Variants in DMBX1 observed in about 807,000 individuals in gnomAD.
The protein encoded by DMBX1 is diencephalon/mesencephalon homeobox protein 1.
A neutral mutation model predicts 30.4 loss-of-function variants in DMBX1; 7 were observed. The ratio of observed to expected loss-of-function variants is 0.23; its 90% CI spans 0.13 to 0.43. The LOEUF (loss-of-function observed/expected upper bound fraction) is 0.43, where lower values mean the gene tolerates loss of function less well. Among genes scored for constraint, DMBX1 ranks in the 20% least tolerant of loss-of-function variants. The probability of loss-of-function intolerance (pLI) is 1.00; values close to 1 mark genes in which losing one functional copy is unlikely to be tolerated. For missense variants in DMBX1, 460 were observed against 508.5 expected (o/e 0.90, Z 0.92); for synonymous variants, 222 against 214.2 (o/e 1.04, Z -0.32).
At chr1:46,499,161 C>T (rs1403772003) in intron 2 of DMBX1, among the ~76,000 whole-genome samples, 1 of 152,024 alleles carries the variant, frequency 6.6e-6, no homozygotes, top group Non-Finnish European at 1.5e-5. Flanking sequence ...CTCAGCCTCC[C>T]GAGTAGCTGG....
intron 2 of DMBX1, among the ~76,000 whole-genome samples, chr1:46,501,333 T>G (rs1039503578): frequency 1.3e-5 from 2 of 151,230 alleles, no homozygotes; most frequent in Non-Finnish European, 2.9e-5. Context: ...AAGGCTGGAG[T>G]GCAGTGACAT....
At chr1:46,509,440 G>T (rs944749022) in intron 3 of DMBX1, among the ~76,000 whole-genome samples, 5 of 152,140 alleles carry the variant, frequency 3.3e-5, no homozygotes, top group Non-Finnish European at 7.3e-5. Flanking sequence ...GCACCCCTTT[G>T]CAGAGGCTGA....
intron 2 of DMBX1, among the ~76,000 whole-genome samples, chr1:46,501,192 C>CCTTCCTTCCTT (rs1666118832): frequency 1.5e-5 from 1 of 67,880 alleles, no homozygotes; most frequent in Admixed American, 1.4e-4. Context: ...TTCTTTCTCT[C>CCTTCCTTCCTT]CCTTCCTTCC....
chr1:46,505,745 T>TATA (rs1443104313), intron 2 of DMBX1, among the ~76,000 whole-genome samples: 6 of 146,856 alleles, frequency 4.1e-5, no homozygotes, highest in African/African-American at 1.5e-4. Context: ...AAACTTAAAG[T>TATA]ATAATAATAA....
intron 2 of DMBX1, among the ~76,000 whole-genome samples, chr1:46,506,022 G>A (rs537939642): frequency 2.0e-5 from 3 of 151,820 alleles, no homozygotes; most frequent in Non-Finnish European, 4.4e-5. Context: ...GTATTCTTAT[G>A]TTTGTGCAGG....
chr1:46,511,502 C>T (rs1372693991), intron 5 of DMBX1, among the ~76,000 whole-genome samples: 2 of 152,130 alleles, frequency 1.3e-5, no homozygotes, highest in African/African-American at 2.4e-5. Flanking sequence ...TGGGATACTG[C>T]GGGAGCTCGG....
chr1:46,501,772 G>T (rs918377151), intron 2 of DMBX1, among the ~76,000 whole-genome samples: 11 of 152,106 alleles, frequency 7.2e-5, no homozygotes, highest in African/African-American at 2.2e-4. Flanking sequence ...CCTCACTTTA[G>T]CCTCCTGAGT....
At chr1:46,506,851 G>A in intron 2 of DMBX1, 148 bp from the exon 3 acceptor site, 1 of 835,642 alleles carries the variant, frequency 1.2e-6, no homozygotes. Context: ...CACACGGTAA[G>A]CCACGGGCAA....
chr1:46,510,836 G>A lies in DMBX1; in HGVS notation c.334-99G>A. 7.4e-7 allele frequency: 1 copy of A among 1,357,034 alleles called. No homozygotes were observed. The allele number at this position is 1,357,034 out of a possible 1,614,324, so 84.1% of individuals were successfully genotyped here. A position where few individuals can be genotyped will look rare whatever the true frequency, so the allele number is the denominator to read the frequency against. On this transcript the variant is annotated intron_variant, in intron 4 of 5. Coordinates refer to ENST00000360032, the MANE Select transcript of DMBX1 (RefSeq NM_172225.2). This position sits in a 1 kb window ranked among gnomAD's most constrained non-coding sequence, Gnocchi z 4.1. ...AGGGTGTGCATTCCCTAGAGGGGTG[G>A]GGGGATGTTATCACGTACATCCTCT...
At chr1:46,501,145 C>T (rs1228157064) in intron 2 of DMBX1, among the ~76,000 whole-genome samples, 1 of 151,424 alleles carries the variant, frequency 6.6e-6, no homozygotes, top group East Asian at 1.9e-4. Flanking sequence ...TCTTTTCCCT[C>T]CCCCTTCCCT....
chr1:46,511,235 G>A lies in DMBX1; in HGVS notation c.634G>A (p.Gly212Arg). 1 of 1,610,724 alleles carries A rather than the reference G, an allele frequency of 6.2e-7. No individual in the cohort carries two copies. Among genetic ancestry groups the A allele is most frequent in the Non-Finnish European group, 8.5e-7 (1 of 1,179,008 alleles). Residue 212 changes from glycine (G) to arginine (R), a missense_variant, in exon 5 of 6, where the codon GGG becomes AGG. Coordinates refer to ENST00000360032, the MANE Select transcript of DMBX1 (RefSeq NM_172225.2). ...AEDPKAEKSP[G>R]ADSKGLGCKR... ...GGACCCCAAAGCTGAGAAGAGCCCT[G>A]GGGCTGACAGCAAGGGGCTGGGCTG...
rs760939935 is a variant in DMBX1 at position 46,510,419 on chromosome 1, T to C, written c.155-57T>C. 14 of 1,577,746 alleles carry C rather than the reference T, an allele frequency of 8.9e-6. No homozygotes were observed. Among genetic ancestry groups the C allele is most frequent in the Non-Finnish European group, 1.2e-5 (14 of 1,164,110 alleles). ...CAGAGCAGGATAAGATTCAAAGCTA[T>C]TTCCCATAATTAAATGGGCCCCCTC... On this transcript the variant is annotated intron_variant, in intron 3 of 5. Transcript: ENST00000360032. The surrounding 1 kb of genome is among the most constrained non-coding windows in gnomAD (Gnocchi z 4.1).
intron 2 of DMBX1, among the ~76,000 whole-genome samples, chr1:46,501,259 TTTCTTTCTTTCTCTTCTTTCTTTCTTTCC>T (rs1666129914): frequency 7.5e-6 from 1 of 132,778 alleles, no homozygotes. Context: ...TCTTTCTTTC[TTTCTTTCTTTCTCTTCTTTCTTTCTTTCC>T]TTCTCTCTTT....
chr1:46,494,470 T>C (rs993715109), intron 2 of DMBX1, among the ~76,000 whole-genome samples: 2 of 152,196 alleles, frequency 1.3e-5, no homozygotes, highest in Non-Finnish European at 2.9e-5. Flanking sequence ...TTATAATTAA[T>C]GGCTCGGACC....
chr1:46,513,027 T>G lies in DMBX1; in HGVS notation c.*533T>G. On this transcript the variant is annotated 3_prime_UTR_variant, in exon 6 of 6. Transcript: ENST00000360032. ...CTTCCTTCTTCCCTTGATCTCCCTCTTCCTGTCTCTGTCCTGGTCCCTGCC... is the reference window on the plus strand; with the variant it reads ...CTTCCTTCTTCCCTTGATCTCCCTCGTCCTGTCTCTGTCCTGGTCCCTGCC... 1 of 155,994 alleles carries G rather than the reference T, an allele frequency of 6.4e-6. No homozygotes were observed. The highest frequency in any genetic ancestry group is 1.4e-5 in the Non-Finnish European group (1 of 70,274). 9.7% of individuals were successfully genotyped at this position (155,994 alleles called of 1,614,324 possible).
chr1:46,505,083 T>G (rs1666205908), intron 2 of DMBX1, among the ~76,000 whole-genome samples: 1 of 148,718 alleles, frequency 6.7e-6, no homozygotes, highest in Non-Finnish European at 1.5e-5. Flanking sequence ...TGGCAATCAT[T>G]AAAAAGTCAG....
chr1:46,501,721 G>A (rs1666141676), intron 2 of DMBX1, among the ~76,000 whole-genome samples: 1 of 152,102 alleles, frequency 6.6e-6, no homozygotes, highest in South Asian at 2.1e-4. Context: ...GTCTTGCTAT[G>A]TTGCCCAGGC....
At chr1:46,500,657 C>T (rs1309792835) in intron 2 of DMBX1, among the ~76,000 whole-genome samples, 2 of 150,906 alleles carry the variant, frequency 1.3e-5, no homozygotes, top group African/African-American at 2.4e-5. Context: ...CAGGTTATAA[C>T]CTTCCAGACT....
chr1:46,508,772 G>A (rs1008758932), intron 3 of DMBX1, among the ~76,000 whole-genome samples: 5 of 152,114 alleles, frequency 3.3e-5, no homozygotes, highest in Non-Finnish European at 5.9e-5. Context: ...CTCTGCCGGC[G>A]GTTTAGAGAG....
Sources: gnomAD v4.1 joint callset for allele counts (sites outside exome capture counted in the v4.1 genomes callset) on GRCh38, gnomAD v4.1.1 for gene constraint, Gnocchi (gnomAD v3.1) non-coding constraint, MANE v1.5 for transcripts, NCBI Gene and HGNC (gene_info 2026-07-23, HGNC 2026-07-21) for gene names.